The following HECW2 variants were observed in gnomAD, a reference collection of about 807,000 sequenced individuals.
HECW2 encodes the protein HECT, C2 and WW domain containing E3 ubiquitin protein ligase 2.
Under a neutral mutation model 175.2 loss-of-function variants are expected in HECW2, and 61 were observed. The observed-to-expected ratio is 0.35, with a 90% confidence interval of 0.28 to 0.43. The LOEUF (loss-of-function observed/expected upper bound fraction) is 0.43, where lower values mean the gene tolerates loss of function less well. HECW2 is among the 20% of genes least tolerant of loss of function. The pLI is 1.00. For missense variants in HECW2, 1,524 were observed against 2,000.5 expected (o/e 0.76, Z 4.54); for synonymous variants, 671 against 731.0 (o/e 0.92, Z 1.32).
At chr2:196,214,342 A>C (rs1020750230) in intron 28 of HECW2, among the ~76,000 whole-genome samples, 1 of 152,258 alleles carries the variant, frequency 6.6e-6, no homozygotes. Flanking sequence ...AACAGTGGAC[A>C]TATCTGCTTA....
intron 2 of HECW2, among the ~76,000 whole-genome samples, chr2:196,363,695 G>A (rs1358939059): frequency 6.6e-6 from 1 of 152,140 alleles, no homozygotes; most frequent in Non-Finnish European, 1.5e-5. Flanking sequence ...ATGGTGGCAT[G>A]CACCTGTAGT....
intron 3 of HECW2, among the ~76,000 whole-genome samples, chr2:196,340,206 A>G (rs2105819379): frequency 6.6e-6 from 1 of 152,282 alleles, no homozygotes; most frequent in Middle Eastern, 3.4e-3. Flanking sequence ...TCTCTTCACA[A>G]TTTTAAAAAA....
At chr2:196,379,296 AC>A (rs1305350819) in intron 2 of HECW2, among the ~76,000 whole-genome samples, 1 of 152,176 alleles carries the variant, frequency 6.6e-6, no homozygotes, top group Non-Finnish European at 1.5e-5. Context: ...TATGAGAAGG[AC>A]TTTTGAGGTG....
At chr2:196,393,297 A>T (rs532812783) in intron 2 of HECW2, among the ~76,000 whole-genome samples, 65 of 152,348 alleles carry the variant, frequency 4.3e-4, no homozygotes, top group African/African-American at 1.4e-3. Flanking sequence ...CAAAATTGAC[A>T]AATGGGATCT....
At chr2:196,310,996 A>C (rs1691476773) in intron 10 of HECW2, among the ~76,000 whole-genome samples, 1 of 152,236 alleles carries the variant, frequency 6.6e-6, no homozygotes, top group African/African-American at 2.4e-5. Context: ...TATTAAGTTC[A>C]GCAAGAACCT....
At chr2:196,271,360 A>G (rs1689730792) in intron 16 of HECW2, 71 bp from the exon 17 acceptor site, 2 of 1,115,512 alleles carry the variant, frequency 1.8e-6, no homozygotes, top group Admixed American at 4.0e-5. Context: ...TATAAATCCA[A>G]ACCTGTGTGC....
chr2:196,204,773 G>A (rs1408457389), intron 28 of HECW2, among the ~76,000 whole-genome samples: 1 of 152,196 alleles, frequency 6.6e-6, no homozygotes, highest in Non-Finnish European at 1.5e-5. Flanking sequence ...GGTGGCAAAT[G>A]TGATGTTAAG....
At chr2:196,560,026 A>C (rs1436987107) in intron 1 of HECW2, among the ~76,000 whole-genome samples, 5 of 152,136 alleles carry the variant, frequency 3.3e-5, no homozygotes, top group Non-Finnish European at 7.4e-5. Flanking sequence ...AGCTTCTCAA[A>C]CCTAATTTGT....
chr2:196,443,057 C>T (rs1005122549), intron 1 of HECW2, among the ~76,000 whole-genome samples: 2 of 152,052 alleles, frequency 1.3e-5, no homozygotes, highest in African/African-American at 4.8e-5. Context: ...CAGTAGCCAC[C>T]AGGATCAATC....
intron 1 of HECW2, among the ~76,000 whole-genome samples, chr2:196,574,662 C>T (rs771941143): frequency 1.3e-5 from 2 of 152,128 alleles, no homozygotes; most frequent in Non-Finnish European, 2.9e-5. Context: ...GCATCCTTTA[C>T]AGAAATTTTA....
At chr2:196,351,333 G>T (rs1281267226) in intron 2 of HECW2, among the ~76,000 whole-genome samples, 1 of 151,834 alleles carries the variant, frequency 6.6e-6, no homozygotes, top group African/African-American at 2.4e-5. Context: ...TCCTGTACAT[G>T]ATTCTTGGAT....
chr2:196,293,556 T>C (rs1046666936), intron 13 of HECW2, among the ~76,000 whole-genome samples: 4 of 152,246 alleles, frequency 2.6e-5, no homozygotes, highest in Non-Finnish European at 5.9e-5. Flanking sequence ...TTTCTGGTTC[T>C]AGATCTTTGA....
intron 1 of HECW2, among the ~76,000 whole-genome samples, chr2:196,456,048 C>T (rs1406393088): frequency 1.3e-5 from 2 of 151,874 alleles, no homozygotes; most frequent in African/African-American, 4.8e-5. Context: ...CCCTATACTC[C>T]CACACCCTGA....
chr2:196,234,713 A>T (rs73987933), intron 21 of HECW2, among the ~76,000 whole-genome samples: 4,295 of 148,328 alleles, frequency 0.029, 168 homozygotes, highest in African/African-American at 0.1. Context: ...AGAATAATTC[A>T]CTGGAGAATA....
intron 1 of HECW2, among the ~76,000 whole-genome samples, chr2:196,566,845 C>T (rs528518789): frequency 7.3e-4 from 111 of 151,100 alleles, no homozygotes; most frequent in Middle Eastern, 3.4e-3. Flanking sequence ...ACCCAATTTT[C>T]GAGACAACTC....
intron 2 of HECW2, among the ~76,000 whole-genome samples, chr2:196,429,822 G>T (rs546244743): frequency 6.6e-6 from 1 of 152,276 alleles, no homozygotes; most frequent in East Asian, 1.9e-4. Flanking sequence ...GCCCTGGAAA[G>T]AAAAGAGCTC....
rs1686798502 is a variant in HECW2, at chr2:196,199,780, C to A, written c.*1497G>T. ...CAAAAGCAATTAAAATGAAGAATAC[C>A]TTCTCATAAAATTAAGCAGAAGTAA... On this transcript the variant is annotated 3_prime_UTR_variant, in exon 29 of 29. Transcript: ENST00000644978. 6.6e-6 allele frequency: 1 copy of A among 151,998 alleles called. No individual in the cohort carries two copies. The highest frequency in any genetic ancestry group is 6.6e-5 in the Admixed American group (1 of 15,258). The allele number at this position is 151,998 out of a possible 1,614,324, so 9.4% of individuals were successfully genotyped here.
At chr2:196,306,352 G>GCTT in intron 13 of HECW2, 136 bp downstream of exon 13, 1 of 883,822 alleles carries the variant, frequency 1.1e-6, no homozygotes, top group Non-Finnish European at 1.7e-6. Flanking sequence ...AGTGTACAGT[G>GCTT]CTCAACACAA....
At chr2:196,447,919 C>A (rs1358626264) in intron 1 of HECW2, among the ~76,000 whole-genome samples, 2 of 152,004 alleles carry the variant, frequency 1.3e-5, no homozygotes, top group East Asian at 3.9e-4. Context: ...GCTAGCCATG[C>A]GTGGTGGCGC....
Sources: gnomAD v4.1 joint callset for allele counts (sites outside exome capture counted in the v4.1 genomes callset) on GRCh38, gnomAD v4.1.1 for gene constraint, MANE v1.5 for transcripts, NCBI Gene and HGNC (gene_info 2026-07-23, HGNC 2026-07-21) for gene names.